PTPRD: variants seen among roughly 807,000 people sequenced by gnomAD.
PTPRD encodes the protein receptor-type tyrosine-protein phosphatase delta.
PTPRD carries 34 observed loss-of-function variants against 214.5 expected under a neutral mutation model. That is an observed-to-expected ratio of 0.16 (90% CI 0.12 to 0.21). PTPRD has a LOEUF of 0.21. Ranked by LOEUF, PTPRD falls within the 10% of genes least tolerant of loss-of-function variation. The probability of loss-of-function intolerance (pLI) is 1.00; values close to 1 mark genes in which losing one functional copy is unlikely to be tolerated. For synonymous variants in PTPRD, 1,128 were observed against 845.7 expected, an observed-to-expected ratio of 1.33 and a Z score of -5.79; for missense variants, 2,545 against 2,398.7, an observed-to-expected ratio of 1.06 and a Z score of -1.27.
intron 10 of PTPRD, among the ~76,000 whole-genome samples, chr9:9,096,775 T>A (rs1292259527): frequency 6.6e-6 from 1 of 152,202 alleles, no homozygotes; most frequent in Non-Finnish European, 1.5e-5. Flanking sequence ...TGTGTTGTGC[T>A]AAAGTAAATG....
intron 2 of PTPRD, among the ~76,000 whole-genome samples, chr9:10,507,744 A>G (rs1415376774): frequency 2.0e-5 from 3 of 152,194 alleles, no homozygotes; most frequent in Non-Finnish European, 4.4e-5. Context: ...CTGGCTAGCC[A>G]TATGTAGAAA....
At chr9:9,216,934 T>C (rs112711097) in intron 9 of PTPRD, among the ~76,000 whole-genome samples, 18 of 152,290 alleles carry the variant, frequency 1.2e-4, no homozygotes, top group African/African-American at 4.3e-4. Flanking sequence ...TTTCTATTTT[T>C]TTTCTATTAT....
chr9:9,911,999 T>A (rs964884193), intron 5 of PTPRD, among the ~76,000 whole-genome samples: 1 of 152,068 alleles, frequency 6.6e-6, no homozygotes, highest in African/African-American at 2.4e-5. Flanking sequence ...ATAATGTTTA[T>A]TTATTAATTT....
At chr9:9,308,162 C>T (rs145568603) in intron 9 of PTPRD, among the ~76,000 whole-genome samples, 4 of 152,130 alleles carry the variant, frequency 2.6e-5, no homozygotes, top group Non-Finnish European at 5.9e-5. Context: ...TTGTGTTAGG[C>T]TCTTTTTAAT....
chr9:9,237,960 C>T (rs2099967984), intron 9 of PTPRD, among the ~76,000 whole-genome samples: 1 of 152,150 alleles, frequency 6.6e-6, no homozygotes, highest in Non-Finnish European at 1.5e-5. Flanking sequence ...TGCCTTTTGT[C>T]ACCTTTGATT....
chr9:8,949,487 T>C (rs1313070488), intron 11 of PTPRD, among the ~76,000 whole-genome samples: 1 of 135,370 alleles, frequency 7.4e-6, no homozygotes, highest in Non-Finnish European at 1.6e-5. Context: ...TCATAAATAA[T>C]AATCACTTCC....
intron 37 of PTPRD, among the ~76,000 whole-genome samples, chr9:8,376,959 G>C (rs1011853253): frequency 6.6e-6 from 1 of 152,094 alleles, no homozygotes; most frequent in Non-Finnish European, 1.5e-5. Context: ...AATTTTCCTG[G>C]AGAAAAATAA....
At chr9:8,464,209 A>G (rs1324084628) in intron 32 of PTPRD, among the ~76,000 whole-genome samples, 1 of 151,922 alleles carries the variant, frequency 6.6e-6, no homozygotes, top group South Asian at 2.1e-4. Flanking sequence ...ATCTACCTCA[A>G]TGCTCTAAGT....
Position 8,838,677 on chromosome 9 carries a change from T to G in PTPRD, c.-103-104731A>C, listed in dbSNP as rs1306913298. ...GTTGTGAATTTATTATATGGTTTAG[T>G]TGGACTTTCTTCTGGCAAAAGAGTA... On this transcript the variant is annotated intron_variant, in intron 11 of 45. Coordinates refer to ENST00000381196, the MANE Select transcript of PTPRD (RefSeq NM_002839.4). Among the ~76,000 whole-genome samples the G allele has an allele frequency of 2.6e-5, 4 of 152,238 alleles. No individual in the cohort carries two copies. The East Asian group carries it at 7.7e-4, about 29-fold the overall frequency.
intron 11 of PTPRD, among the ~76,000 whole-genome samples, chr9:8,951,361 T>C (rs1191286821): frequency 1.3e-5 from 2 of 150,124 alleles, no homozygotes; most frequent in Admixed American, 6.7e-5. Flanking sequence ...CATAGAAATG[T>C]GCCAGGGCTC....
chr9:10,469,872 G>A (rs977796760), intron 2 of PTPRD, among the ~76,000 whole-genome samples: 2 of 151,864 alleles, frequency 1.3e-5, no homozygotes, highest in Admixed American at 1.3e-4. Context: ...AAAACTGGAA[G>A]GCATTATGTT....
At chr9:9,225,071 G>A (rs1190128327) in intron 9 of PTPRD, among the ~76,000 whole-genome samples, 1 of 151,948 alleles carries the variant, frequency 6.6e-6, no homozygotes, top group Non-Finnish European at 1.5e-5. Context: ...AATTGTTCCT[G>A]TTTTGTCTTT....
chr9:10,142,517 T>C (rs1437147069), intron 3 of PTPRD, among the ~76,000 whole-genome samples: 3 of 151,954 alleles, frequency 2.0e-5, no homozygotes, highest in African/African-American at 4.8e-5. Flanking sequence ...AAAAAACACA[T>C]GAAAAAATGC....
intron 8 of PTPRD, among the ~76,000 whole-genome samples, chr9:9,417,797 A>G (rs2077427984): frequency 6.6e-6 from 1 of 152,106 alleles, no homozygotes; most frequent in Admixed American, 6.6e-5. Context: ...CCAATTTTTA[A>G]GACTTTGTGT....
intron 3 of PTPRD, among the ~76,000 whole-genome samples, chr9:10,307,433 C>G (rs1393092252): frequency 1.3e-5 from 2 of 151,846 alleles, no homozygotes; most frequent in African/African-American, 4.8e-5. Flanking sequence ...GAATAGTATT[C>G]CATCATGTTT....
chr9:8,858,886 C>A (rs1455720207), intron 11 of PTPRD, among the ~76,000 whole-genome samples: 1 of 152,072 alleles, frequency 6.6e-6, no homozygotes, highest in African/African-American at 2.4e-5. Context: ...GGGGTGACGT[C>A]ACTCCCCAGC....
chr9:10,120,019 G>A (rs1027283580), intron 3 of PTPRD, among the ~76,000 whole-genome samples: 1 of 152,008 alleles, frequency 6.6e-6, no homozygotes, highest in South Asian at 2.1e-4. Flanking sequence ...GATAGTGATA[G>A]AAACTTAGCT....
intron 4 of PTPRD, among the ~76,000 whole-genome samples, chr9:9,985,667 T>C (rs1323991917): frequency 6.6e-6 from 1 of 152,052 alleles, no homozygotes; most frequent in Non-Finnish European, 1.5e-5. Context: ...CATTATTTTA[T>C]GAAACAATTA....
intron 2 of PTPRD, among the ~76,000 whole-genome samples, chr9:10,514,471 A>C (rs2049336456): frequency 6.6e-6 from 1 of 151,598 alleles, no homozygotes; most frequent in Non-Finnish European, 1.5e-5. Flanking sequence ...ATATAAAATA[A>C]ACTTTTTTAT....
Sources: allele counts gnomAD v4.1 joint callset (sites outside exome capture counted in the v4.1 genomes callset), GRCh38; gene constraint gnomAD v4.1.1; transcripts MANE v1.5; gene names NCBI Gene and HGNC (gene_info 2026-07-23, HGNC 2026-07-21).